The following BICDL2 variants were observed in gnomAD, a reference collection of about 807,000 sequenced individuals.
BICDL2 encodes the protein BICD family-like cargo adapter 2.
In BICDL2, 62 loss-of-function variants were observed where a neutral mutation model predicts 56.6. That is an observed-to-expected ratio of 1.10 (90% CI 0.89 to 1.35). The LOEUF (loss-of-function observed/expected upper bound fraction) is 1.35. BICDL2 is among the 40% of genes most tolerant of loss of function. The pLI, the probability that BICDL2 is intolerant of heterozygous loss-of-function variation, is 0.00. For missense variants in BICDL2, 808 were observed against 684.5 expected (o/e 1.18, Z -2.01); for synonymous variants, 358 against 319.8 (o/e 1.12, Z -1.27).
At chr16:3,033,902 G>A (rs573297380) in intron 2 of BICDL2, among the ~76,000 whole-genome samples, 51 of 152,290 alleles carry the variant, frequency 3.3e-4, no homozygotes, top group African/African-American at 1.0e-3. Context: ...AATCGAGTGC[G>A]TGGAATCAAG....
At position 3,031,129 on chromosome 16, in the gene BICDL2, C is replaced by T; in HGVS notation, c.304G>A (p.Glu102Lys). ...REERLQQENHELRRGLAARGA... is the reference protein window; with the variant it reads ...REERLQQENHKLRRGLAARGA... ...CGGGCTGCCAGGCCTCGCCGGAGCT[C>T]ATGGTTCTCCTGCTGGAGCCGCTGT... Residue 102 changes from glutamate (E) to lysine (K), a missense_variant, in exon 3 of 10, where the codon GAG becomes AAG. Glu to Lys is a moderately conservative substitution (Grantham distance 56). Coordinates refer to ENST00000572449, the MANE Select transcript of BICDL2 (RefSeq NM_001369667.1). The T allele has an allele frequency of 1.3e-6, 2 of 1,535,390 alleles. No individual in the cohort carries two copies. Among genetic ancestry groups the T allele is most frequent in the Non-Finnish European group, 1.7e-6 (2 of 1,146,356 alleles).
chr16:3,036,726 G>A (rs1019794085), intron 1 of BICDL2, 168 bp downstream of exon 1: 1 of 439,116 alleles, frequency 2.3e-6, no homozygotes, highest in Admixed American at 2.5e-5. Context: ...CCAGAGAAGC[G>A]GCTGGGCTCA....
At position 3,030,761 on chromosome 16, in the gene BICDL2, GTCCCCGAAGGGCGTCCAGT is replaced by G. The variant is rs1351870561; in HGVS notation, c.531_549del (p.Glu177AspfsTer13). The G allele has an allele frequency of 4.3e-6, 7 of 1,612,508 alleles. No individual in the cohort carries two copies. The highest frequency in any genetic ancestry group is 5.9e-6 in the Non-Finnish European group (7 of 1,179,762). ...CCAGCCAGTGCCTGAGCCTGGCACTGTCCCCGAAGGGCGTCCAGTTCCCTCTGAAGTTCCTGCTCAGTCT... is the reference window on the plus strand; with the variant it reads ...CCAGCCAGTGCCTGAGCCTGGCACTGTCCCTCTGAAGTTCCTGCTCAGTCT... On this transcript the variant is annotated frameshift_variant, in exon 4 of 10. Coordinates refer to ENST00000572449, the MANE Select transcript of BICDL2 (RefSeq NM_001369667.1). LOFTEE classifies it high-confidence loss of function.
In BICDL2 at chr16:3,035,209, G is replaced by A; in HGVS notation, c.282+6C>T. Reference sequence around the variant, plus strand: ...CACCCACCCACCCCGTCCAGTGCTAGCTCACTTCCTCACGCTCCAAGTGCT... The same window carrying A: ...CACCCACCCACCCCGTCCAGTGCTAACTCACTTCCTCACGCTCCAAGTGCT... On this transcript the variant is annotated splice_donor_region_variant and intron_variant, in intron 2 of 9. Coordinates refer to ENST00000572449, the MANE Select transcript of BICDL2 (RefSeq NM_001369667.1). 8.9e-7 allele frequency: 1 copy of A among 1,129,038 alleles called. No homozygotes were observed. The highest frequency in any genetic ancestry group is 3.1e-5 in the South Asian group (1 of 32,704). 69.9% of individuals were successfully genotyped at this position (1,129,038 alleles called of 1,614,324 possible). A position where few individuals can be genotyped will look rare whatever the true frequency, so the allele number is the denominator to read the frequency against.
chr16:3,030,524 CT>C lies in BICDL2; in HGVS notation c.686del (p.Lys229ArgfsTer16), dbSNP rs1253157065. The C allele has an allele frequency of 6.2e-7, 1 of 1,602,806 alleles. No individual in the cohort carries two copies. The highest frequency in any genetic ancestry group is 1.7e-4 in the Middle Eastern group (1 of 6,058). On this transcript the variant is annotated frameshift_variant, in exon 5 of 10. Transcript: ENST00000572449. LOFTEE classifies it high-confidence loss of function. ...QIRGLREEVEKGEGRLQTTHE... is the reference protein window; with the variant it reads ...QIRGLREEVEXGEGRLQTTHE... ...GGGTGGTCTGCAGTCTGCCCTCACC[CT>C]TCTCCACCTCCTCACGCAGGCCTCG... is the stretch of plus-strand genomic sequence containing the variant.
chr16:3,029,183 T>G, intron 7 of BICDL2, 97 bp downstream of exon 7: 1 of 1,458,252 alleles, frequency 6.9e-7, no homozygotes, highest in Non-Finnish European at 9.3e-7. Context: ...GATCCAGGTA[T>G]AGGGAGCTTA....
chr16:3,029,671 G>C lies in BICDL2; in HGVS notation c.831C>G (p.Ser277=). The C allele has an allele frequency of 6.5e-7, 1 of 1,538,390 alleles. No individual in the cohort carries two copies. Among genetic ancestry groups the C allele is most frequent in the Non-Finnish European group, 8.7e-7 (1 of 1,147,886 alleles). Residue 277 remains serine (S), a synonymous_variant, in exon 6 of 10, where the codon TCC becomes TCG. Coordinates refer to ENST00000572449, the MANE Select transcript of BICDL2 (RefSeq NM_001369667.1). ...SALRRLQRRV[S]ELEEESRLQD... ...GGAGGCGTGACTCCTCCTCCAGCTC[G>C]GAGACGCGCCGCTGCAGCCTCCGCA... is the stretch of plus-strand genomic sequence containing the variant.
rs1478003201 is a variant in BICDL2 at position 3,030,928 on chromosome 16, A to G, written c.498+7T>C. ...TGTCCAGGGCCCTGGGGTCAGGGCCATCCCACCTGAGCCAGCTGCTGGCTG... is the reference window on the plus strand; with the variant it reads ...TGTCCAGGGCCCTGGGGTCAGGGCCGTCCCACCTGAGCCAGCTGCTGGCTG... On this transcript the variant is annotated splice_region_variant and intron_variant, in intron 3 of 9. Transcript: ENST00000572449. 1 of 1,546,128 alleles carries G rather than the reference A, an allele frequency of 6.5e-7. No individual in the cohort carries two copies. Among genetic ancestry groups the G allele is most frequent in the East Asian group, 2.4e-5 (1 of 41,344 alleles).
Position 3,029,616 on chromosome 16 carries a change from G to T in BICDL2, c.886C>A (p.Gln296Lys). Residue 296 changes from glutamine to lysine, a missense_variant, in exon 6 of 10, where the codon CAG becomes AAG. Physicochemically the swap from Gln to Lys is moderately conservative, Grantham distance 53. Coordinates refer to ENST00000572449, the MANE Select transcript of BICDL2 (RefSeq NM_001369667.1). ...QDADVSAASL[Q>K]SELAHSLDDG... Reference sequence around the variant, plus strand: ...TCGAGGCTGTGGGCCAGTTCTGACTGCAACGAGGCAGCCGACACGTCGGCG... The same window carrying T: ...TCGAGGCTGTGGGCCAGTTCTGACTTCAACGAGGCAGCCGACACGTCGGCG... 1 of 1,538,456 alleles carries T rather than the reference G, an allele frequency of 6.5e-7. No homozygotes were observed. The highest frequency in any genetic ancestry group is 8.7e-7 in the Non-Finnish European group (1 of 1,145,988).
Position 3,035,313 on chromosome 16 carries a change from G to A in BICDL2, c.184C>T (p.Leu62=). ...ATCTTGCCGAGCTCCGCGGCCAACAGCAGGTCTTTCTCCTTCTGCTGCAGC... is the reference window on the plus strand; with the variant it reads ...ATCTTGCCGAGCTCCGCGGCCAACAACAGGTCTTTCTCCTTCTGCTGCAGC... The part of the protein sequence containing the change: ...LQLQQKEKDL[L]LAAELGKMLL... The change falls in exon 2 of 10, where the codon CTG becomes TTG. Residue 62 remains leucine, a synonymous_variant. Transcript: ENST00000572449. 6.3e-7 allele frequency: 1 copy of A among 1,576,564 alleles called. No homozygotes were observed. The highest frequency in any genetic ancestry group is 8.6e-7 in the Non-Finnish European group (1 of 1,161,616).
chr16:3,029,066 A>G (rs1425389053), intron 7 of BICDL2, among the ~76,000 whole-genome samples: 1 of 152,108 alleles, frequency 6.6e-6, no homozygotes, highest in Non-Finnish European at 1.5e-5. Context: ...GGATGCAGGG[A>G]GAAGCATTGG....
chr16:3,027,905 G>T lies in BICDL2; in HGVS notation c.*201C>A. On this transcript the variant is annotated 3_prime_UTR_variant, in exon 10 of 10. Transcript: ENST00000572449. Reference sequence around the variant, plus strand: ...AAAATAGCTCTGTTCACCTGCCCCTGCCACCCACCTGGAGCTCCTGCCCCA... The same window carrying T: ...AAAATAGCTCTGTTCACCTGCCCCTTCCACCCACCTGGAGCTCCTGCCCCA... 1 of 873,950 alleles carries T rather than the reference G, an allele frequency of 1.1e-6. No individual in the cohort carries two copies. The highest frequency in any genetic ancestry group is 2.0e-5 in the South Asian group (1 of 49,854). The allele number at this position is 873,950 out of a possible 1,614,324, so 54.1% of individuals were successfully genotyped here.
Position 3,029,680 on chromosome 16 carries a change from C to T in BICDL2, c.822G>A (p.Arg274=), listed in dbSNP as rs751668258. ...EALSALRRLQ[R]RVSELEEESR... is the part of the protein sequence containing the mutation. ...ACTCCTCCTCCAGCTCGGAGACGCG[C>T]CGCTGCAGCCTCCGCAGCGCACTCA... The change falls in exon 6 of 10, where the codon CGG becomes CGA. Residue 274 remains arginine (R), a synonymous_variant. Coordinates refer to ENST00000572449, the MANE Select transcript of BICDL2 (RefSeq NM_001369667.1). The T allele has an allele frequency of 3.9e-6, 6 of 1,540,328 alleles. No individual in the cohort carries two copies. Among genetic ancestry groups the T allele is most frequent in the Admixed American group, 2.0e-5 (1 of 50,914 alleles).
At chr16:3,036,685 G>A in intron 1 of BICDL2, 1 of 445,226 alleles carries the variant, frequency 2.2e-6, no homozygotes, top group Non-Finnish European at 4.4e-6. Context: ...CTGCCCAGGT[G>A]TTGGGGCCTC....
At chr16:3,031,886 T>C (rs1281383029) in intron 2 of BICDL2, 1 of 224,346 alleles carries the variant, frequency 4.5e-6, no homozygotes, top group Non-Finnish European at 8.6e-6. Flanking sequence ...AGTTGCTAAG[T>C]GCCTTGCCTA....
chr16:3,030,807 G>A lies in BICDL2; in HGVS notation c.504C>T (p.Ser168=). Residue 168 remains serine, a synonymous_variant, in exon 4 of 10, where the codon TCC becomes TCT. Coordinates refer to ENST00000572449, the MANE Select transcript of BICDL2 (RefSeq NM_001369667.1). ...LRLSQQLAQA[S]QTEQELQREL... ...CCCTCTGAAGTTCCTGCTCAGTCTG[G>A]GAGGCCTGGGGAGGTGGAAAGAGGG... 1.2e-6 allele frequency: 2 copies of A among 1,605,498 alleles called. No homozygotes were observed. Among genetic ancestry groups the A allele is most frequent in the Non-Finnish European group, 1.7e-6 (2 of 1,177,202 alleles).
At chr16:3,033,506 C>T (rs111329719) in intron 2 of BICDL2, among the ~76,000 whole-genome samples, 1 of 151,974 alleles carries the variant, frequency 6.6e-6, no homozygotes, top group Non-Finnish European at 1.5e-5. Context: ...GTTGGCTGAG[C>T]GCATTGACTC....
chr16:3,035,570 C>T (rs939561929), intron 1 of BICDL2, 44 bp from the exon 2 acceptor site: 79 of 1,488,512 alleles, frequency 5.3e-5, no homozygotes, highest in Non-Finnish European at 6.3e-5. Context: ...GCTCACCCTC[C>T]GCCCAGCACC....
rs1417820802 is a variant in BICDL2 at position 3,029,447 on chromosome 16, G to A, written c.958-18C>T. On this transcript the variant is annotated intron_variant, in intron 6 of 9. Coordinates refer to ENST00000572449, the MANE Select transcript of BICDL2 (RefSeq NM_001369667.1). ...CGGGTGGTCTGTGGGCCAAAGAAAT[G>A]GGTTAGTGGTGTGGAGTTTATTGGG... The A allele has an allele frequency of 7.5e-6, 12 of 1,596,296 alleles. No individual in the cohort carries two copies. The highest frequency in any genetic ancestry group is 1.7e-5 in the Admixed American group (1 of 58,388).
Sources: gnomAD v4.1 joint callset for allele counts (sites outside exome capture counted in the v4.1 genomes callset) on GRCh38, gnomAD v4.1.1 for gene constraint, MANE v1.5 for transcripts, NCBI Gene and HGNC (gene_info 2026-07-23, HGNC 2026-07-21) for gene names.